Variants in DGKH observed in about 807,000 individuals in gnomAD.
DGKH encodes DAG kinase eta.
DGKH carries 90 observed loss-of-function variants against 159.3 expected under a neutral mutation model. The observed-to-expected ratio is 0.57, with a 90% CI of 0.48 to 0.67. The LOEUF (loss-of-function observed/expected upper bound fraction) is 0.67. Ranked by LOEUF, DGKH falls within the 30% of genes least tolerant of loss-of-function variation. The probability of loss-of-function intolerance (pLI) is 0.00; values close to 1 mark genes in which losing one functional copy is unlikely to be tolerated. For missense variants in DGKH, 1,181 were observed against 1,506.1 expected (o/e 0.78, Z 3.57); for synonymous variants, 536 against 553.8 (o/e 0.97, Z 0.45).
At chr13:42,202,447 G>A (rs766573140) in intron 20 of DGKH, among the ~76,000 whole-genome samples, 1 of 152,008 alleles carries the variant, frequency 6.6e-6, no homozygotes, top group Non-Finnish European at 1.5e-5. Context: ...TTCCCTCCCC[G>A]TTATGTTGTT....
In DGKH at chr13:42,127,557, A is replaced by C. The variant is rs772820872; in HGVS notation, c.287A>C (p.Tyr96Ser). 6.2e-7 allele frequency: 1 copy of C among 1,613,426 alleles called. No homozygotes were observed. Among genetic ancestry groups the C allele is most frequent in the Admixed American group, 1.7e-5 (1 of 59,950 alleles). The change falls in exon 2 of 30, where the codon TAT (tyrosine) becomes TCT (serine). Residue 96 changes from tyrosine (Y) to serine (S), a missense_variant. Tyr to Ser is a moderately radical substitution (Grantham distance 144). Around this residue, in one of 5 missense-constraint regions of DGKH, gnomAD observed 136 missense variants for 132.2 expected, o/e 1.03. Transcript: ENST00000337343. ...AAACTTCGAGGCCGCACCCTTTACT[A>C]TGCAAAGGACTCAAAGGTAACTCAC... Reference protein sequence around the residue: ...YFKLRGRTLYYAKDSKSLIFD... With the variant: ...YFKLRGRTLYSAKDSKSLIFD...
intron 1 of DGKH, among the ~76,000 whole-genome samples, chr13:42,071,312 T>C (rs916041675): frequency 2.0e-5 from 3 of 152,232 alleles, no homozygotes; most frequent in Non-Finnish European, 1.5e-5. Context: ...ATGTTGAGAA[T>C]TTAAAAGATT....
chr13:42,201,538 T>C (rs1957346557), intron 20 of DGKH, among the ~76,000 whole-genome samples: 1 of 152,210 alleles, frequency 6.6e-6, no homozygotes, highest in Admixed American at 6.5e-5. Context: ...TAGTAACCTC[T>C]TGTACTGGTG....
Position 42,201,862 on chromosome 13 carries a change from A to T in DGKH, c.2493+1953A>T, listed in dbSNP as rs557727338. Among the ~76,000 whole-genome samples the T allele has an allele frequency of 2.0e-5, 3 of 152,344 alleles. No homozygotes were observed. In the South Asian group the frequency reaches 6.2e-4, roughly 32 times the overall value. On this transcript the variant is annotated intron_variant, in intron 20 of 29. Transcript: ENST00000337343. ...TACCATAACTTCAAAGTGATGATGAACTTATATACAAGATATCTGAAACAT... is the reference window on the plus strand; with the variant it reads ...TACCATAACTTCAAAGTGATGATGATCTTATATACAAGATATCTGAAACAT...
Position 42,214,550 on chromosome 13 carries a change from C to A in DGKH, c.3058C>A (p.Leu1020Met). 1 of 1,613,574 alleles carries A rather than the reference C, an allele frequency of 6.2e-7. No homozygotes were observed. The highest frequency in any genetic ancestry group is 8.5e-7 in the Non-Finnish European group (1 of 1,179,686). ...AATTCACTGTCTTTTGGAGCAAGAA[C>A]TGGCCCATGCTGTGAATGCCTGCTC... ...ATIHCLLEQE[L>M]AHAVNACSHA... Residue 1020 changes from leucine (L) to methionine (M), a missense_variant, in exon 25 of 30, where the codon CTG (leucine) becomes ATG (methionine). Transcript: ENST00000337343.
At chr13:42,208,770 T>G (rs1040059216) in intron 21 of DGKH, among the ~76,000 whole-genome samples, 189 bp from the exon 22 acceptor site, 3 of 151,134 alleles carry the variant, frequency 2.0e-5, no homozygotes, top group African/African-American at 7.3e-5. Flanking sequence ...TTGAAAACCC[T>G]TTTTAAAGTT....
intron 3 of DGKH, among the ~76,000 whole-genome samples, chr13:42,137,096 C>A (rs1955417090): frequency 6.6e-6 from 1 of 152,126 alleles, no homozygotes; most frequent in Non-Finnish European, 1.5e-5. Flanking sequence ...CCCTTAGCTT[C>A]CTCTCAGTTA....
chr13:42,070,894 T>G (rs1882920840), intron 1 of DGKH: 1 of 1,292,326 alleles, frequency 7.7e-7, no homozygotes, highest in South Asian at 1.2e-5. Context: ...TCTAATAATC[T>G]TGATTTCACA....
rs1170232283 is a variant in DGKH at position 42,048,767 on chromosome 13, G to A, written c.-7G>A. The A allele has an allele frequency of 7.8e-7, 1 of 1,286,718 alleles. No individual in the cohort carries two copies. 79.7% of individuals were successfully genotyped at this position (1,286,718 alleles called of 1,614,324 possible). A position where few individuals can be genotyped will look rare whatever the true frequency, so the allele number is the denominator to read the frequency against. Reference sequence around the variant, plus strand: ...GCGGTGCTGTGTCCCCGCAGGAGTCGGAGAGGATGGCAGGGGCCGGAGGCC... The same window carrying A: ...GCGGTGCTGTGTCCCCGCAGGAGTCAGAGAGGATGGCAGGGGCCGGAGGCC... On this transcript the variant is annotated 5_prime_UTR_variant, in exon 1 of 30. Transcript: ENST00000337343. This position sits in a 1 kb window ranked among gnomAD's most constrained non-coding sequence, Gnocchi z 6.7.
At chr13:42,256,050 G>C (rs1958655148) in intron 30 of DGKH, 1 of 1,418,342 alleles carries the variant, frequency 7.1e-7, no homozygotes, top group Non-Finnish European at 1.0e-6. Flanking sequence ...TCTGGCCCTT[G>C]GTCAGGTCTG....
chr13:42,073,495 A>G (rs576472015), intron 1 of DGKH, among the ~76,000 whole-genome samples: 94 of 152,324 alleles, frequency 6.2e-4, no homozygotes, highest in African/African-American at 2.3e-3. Context: ...CTTTCAGTAC[A>G]GTACTCGATA....
intron 30 of DGKH, among the ~76,000 whole-genome samples, chr13:42,253,016 T>C (rs1958631437): frequency 6.6e-6 from 1 of 152,210 alleles, no homozygotes; most frequent in Non-Finnish European, 1.5e-5. Context: ...TTATCCAATT[T>C]CAAGCATTTT....
chr13:42,163,961 G>A (rs972284870), intron 7 of DGKH, among the ~76,000 whole-genome samples: 2 of 152,118 alleles, frequency 1.3e-5, no homozygotes, highest in Admixed American at 6.5e-5. Flanking sequence ...GAATGGTAAT[G>A]CCTAGGTTTT....
intron 1 of DGKH, among the ~76,000 whole-genome samples, chr13:42,102,928 C>T (rs1462942000): frequency 6.6e-6 from 1 of 152,126 alleles, no homozygotes; most frequent in Non-Finnish European, 1.5e-5. Context: ...AATGACTATA[C>T]TGATTTGGTG....
chr13:42,192,911 A>G (rs970641152), intron 16 of DGKH, among the ~76,000 whole-genome samples: 1 of 152,178 alleles, frequency 6.6e-6, no homozygotes, highest in Admixed American at 6.5e-5. Context: ...GCACATTGGT[A>G]CCCATACACT....
chr13:42,136,023 T>C (rs936787773), intron 3 of DGKH, among the ~76,000 whole-genome samples: 5 of 152,258 alleles, frequency 3.3e-5, no homozygotes, highest in African/African-American at 9.6e-5. Context: ...CATCCAGTTA[T>C]GTGACCTTGG....
chr13:42,195,107 A>G, intron 17 of DGKH, 91 bp downstream of exon 17: 1 of 1,461,074 alleles, frequency 6.8e-7, no homozygotes, highest in Non-Finnish European at 9.2e-7. Context: ...ACATGTTCTT[A>G]AAGATAAATA....
At chr13:42,214,321 G>A (rs1957735084) in intron 24 of DGKH, among the ~76,000 whole-genome samples, 186 bp from the exon 25 acceptor site, 1 of 151,848 alleles carries the variant, frequency 6.6e-6, no homozygotes, top group South Asian at 2.1e-4. Flanking sequence ...CATATTTTTT[G>A]TTGCAGTGGG....
Position 42,082,946 on chromosome 13 carries a change from G to A in DGKH, c.192+33981G>A, listed in dbSNP as rs2137723951. 2.0e-5 allele frequency among the ~76,000 whole-genome samples: 3 copies of A among 152,308 alleles called. No homozygotes were observed. In the South Asian group the frequency reaches 6.2e-4, roughly 32 times the overall value. ...TTGAAGAATGTGAATAATAGTTCTA[G>A]TTCTTCGGGATAATGGAAAGCTAAT... On this transcript the variant is annotated intron_variant, in intron 1 of 29. Transcript: ENST00000337343.
Sources: gnomAD v4.1 joint callset for allele counts (sites outside exome capture counted in the v4.1 genomes callset) on GRCh38, gnomAD v4.1.1 for gene constraint, gnomAD v4.1.1 regional missense constraint, Gnocchi (gnomAD v3.1) non-coding constraint, MANE v1.5 for transcripts, NCBI Gene and HGNC (gene_info 2026-07-23, HGNC 2026-07-21) for gene names.